Variants in MARCHF8 observed in about 807,000 individuals in gnomAD.
MARCHF8 encodes E3 ubiquitin-protein ligase MARCHF8.
MARCHF8 carries 40 observed loss-of-function variants against 51.6 expected under a neutral mutation model. That is an observed-to-expected ratio of 0.77 (90% CI 0.60 to 1.01). The LOEUF (loss-of-function observed/expected upper bound fraction) is 1.01. Among genes scored for constraint, MARCHF8 ranks in the 50% least tolerant of loss-of-function variants. MARCHF8 has a pLI of 0.00. For synonymous variants in MARCHF8, 263 were observed against 280.3 expected, an observed-to-expected ratio of 0.94 and a Z score of 0.62; for missense variants, 685 against 708.6, an observed-to-expected ratio of 0.97 and a Z score of 0.38.
chr10:45,589,162 T>C (rs1012730343), intron 1 of MARCHF8, among the ~76,000 whole-genome samples: 1 of 152,178 alleles, frequency 6.6e-6, no homozygotes, highest in Non-Finnish European at 1.5e-5. Flanking sequence ...TTTAAAACAA[T>C]GGACATTTAT....
chr10:45,587,931 G>A (rs12240643), intron 1 of MARCHF8, among the ~76,000 whole-genome samples: 3,389 of 151,632 alleles, frequency 0.022, 121 homozygotes, highest in African/African-American at 0.077. Flanking sequence ...AGGCCTCCTC[G>A]GACAAAAAAT....
Position 45,510,175 on chromosome 10 carries a change from TGGAG to T in MARCHF8, c.103-20762_103-20759del, listed in dbSNP as rs200237344. ...ACAGAGAGAAGGCCATGTCAAGACA[TGGAG>T]AGAAGGCCAGCAAGAGAGGCCACAC... On this transcript the variant is annotated intron_variant, in intron 2 of 7. Transcript: ENST00000453424. Among the ~76,000 whole-genome samples the T allele has an allele frequency of 2.6e-3, 397 of 152,166 alleles. 2 individuals carry two copies. Among genetic ancestry groups the T allele is most frequent in the Middle Eastern group, 0.01 (3 of 294 alleles).
intron 3 of MARCHF8, among the ~76,000 whole-genome samples, chr10:45,482,518 C>G (rs2042905612): frequency 1.3e-5 from 2 of 152,140 alleles, no homozygotes; most frequent in African/African-American, 4.8e-5. Context: ...CTTTGGGAGG[C>G]CAAGGCAGGT....
intron 3 of MARCHF8, 56 bp downstream of exon 3, chr10:45,489,311 G>T: frequency 7.7e-7 from 1 of 1,294,446 alleles, no homozygotes; most frequent in Non-Finnish European, 1.1e-6. Flanking sequence ...CACATGTAAG[G>T]CATAAGAACA....
upstream of MARCHF8, among the ~76,000 whole-genome samples, chr10:45,538,167 A>T (rs2044000531): frequency 2.0e-5 from 3 of 152,228 alleles, no homozygotes. Context: ...AATATTCAAC[A>T]TTCTTAAAGA....
intron 1 of MARCHF8, among the ~76,000 whole-genome samples, chr10:45,589,862 C>T (rs1410450341): frequency 1.3e-5 from 2 of 152,202 alleles, no homozygotes; most frequent in African/African-American, 2.4e-5. Context: ...ATGGCTACCG[C>T]TACTGTGAAC....
chr10:45,477,844 G>T (rs2042814500), intron 3 of MARCHF8, among the ~76,000 whole-genome samples: 1 of 151,954 alleles, frequency 6.6e-6, no homozygotes, highest in South Asian at 2.1e-4. Flanking sequence ...AATAACAAAG[G>T]GATTAATTCA....
intron 1 of MARCHF8, 119 bp downstream of exon 1, chr10:45,535,092 C>A (rs1392949937): frequency 6.6e-6 from 1 of 152,190 alleles, no homozygotes; most frequent in Non-Finnish European, 1.5e-5. Flanking sequence ...AGGTATCACA[C>A]ACCACCTACT....
At chr10:45,522,154 C>G (rs1349418072) in intron 2 of MARCHF8, among the ~76,000 whole-genome samples, 22 of 152,140 alleles carry the variant, frequency 1.4e-4, no homozygotes. Context: ...CCCCAAAAAA[C>G]TCTGCATATT....
chr10:45,561,900 CAA>C (rs34329041), intron 1 of MARCHF8, among the ~76,000 whole-genome samples: 26 of 41,534 alleles, frequency 6.3e-4, no homozygotes, highest in African/African-American at 1.5e-3. Context: ...GACTCCGTCT[CAA>C]AAAAAAAAAA....
At chr10:45,536,287 A>T (rs74500471), upstream of MARCHF8, among the ~76,000 whole-genome samples, 5,366 of 152,278 alleles carry the variant, frequency 0.035, 144 homozygotes, top group East Asian at 0.053. Flanking sequence ...GGGTGCCAAG[A>T]TCACTTCTTG....
intron 2 of MARCHF8, among the ~76,000 whole-genome samples, chr10:45,522,450 G>A (rs2043722537): frequency 6.6e-6 from 1 of 150,712 alleles, no homozygotes; most frequent in Middle Eastern, 3.4e-3. Flanking sequence ...TGCTCTCAGG[G>A]AACAGACATC....
chr10:45,545,764 C>T (rs1407894534), intron 1 of MARCHF8, among the ~76,000 whole-genome samples: 4 of 152,068 alleles, frequency 2.6e-5, no homozygotes, highest in Non-Finnish European at 4.4e-5. Context: ...TGAACGAGAG[C>T]CCAAATATGC....
At chr10:45,556,484 A>C (rs944843590) in intron 1 of MARCHF8, among the ~76,000 whole-genome samples, 6 of 152,274 alleles carry the variant, frequency 3.9e-5, no homozygotes, top group African/African-American at 1.4e-4. Flanking sequence ...AGCTAGAGCC[A>C]GGCACAAGGC....
At chr10:45,552,927 G>A (rs1300225157) in intron 1 of MARCHF8, among the ~76,000 whole-genome samples, 2 of 152,322 alleles carry the variant, frequency 1.3e-5, no homozygotes, top group Middle Eastern at 3.4e-3. Context: ...GGACAAACAT[G>A]TGGCTACAAA....
intron 1 of MARCHF8, among the ~76,000 whole-genome samples, chr10:45,562,490 C>T (rs190580127): frequency 6.6e-6 from 1 of 152,112 alleles, no homozygotes; most frequent in East Asian, 1.9e-4. Context: ...ATATTATCTT[C>T]GAAGTATCAA....
intron 1 of MARCHF8, among the ~76,000 whole-genome samples, chr10:45,555,811 G>A (rs1213228324): frequency 1.3e-5 from 2 of 151,718 alleles, no homozygotes; most frequent in South Asian, 4.2e-4. Flanking sequence ...TTAAATAAAG[G>A]AAAAAGCACT....
intron 1 of MARCHF8, among the ~76,000 whole-genome samples, chr10:45,574,031 T>C (rs1159495504): frequency 6.6e-6 from 1 of 152,158 alleles, no homozygotes; most frequent in African/African-American, 2.4e-5. Flanking sequence ...ACCTCATTGT[T>C]GCCTTTTCCC....
At chr10:45,568,715 C>CA (rs71023130) in intron 1 of MARCHF8, among the ~76,000 whole-genome samples, 1,135 of 75,260 alleles carry the variant, frequency 0.015, 8 homozygotes, top group African/African-American at 0.025. Flanking sequence ...GAGACTGTTT[C>CA]AAAAAAAAAA....
Sources: allele counts gnomAD v4.1 joint callset (sites outside exome capture counted in the v4.1 genomes callset), GRCh38; gene constraint gnomAD v4.1.1; transcripts MANE v1.5; gene names NCBI Gene and HGNC (gene_info 2026-07-23, HGNC 2026-07-21).